Variants in GSK3B observed in about 807,000 individuals in gnomAD.
GSK3B encodes the protein glycogen synthase kinase-3 beta.
GSK3B carries 15 observed loss-of-function variants against 56.4 expected under a neutral mutation model. That is an observed-to-expected ratio of 0.27 (90% CI 0.18 to 0.41). GSK3B has a LOEUF of 0.41. GSK3B is among the 10% of genes least tolerant of loss of function. GSK3B has a pLI of 1.00. For missense variants in GSK3B, 300 were observed against 513.4 expected, an observed-to-expected ratio of 0.58 and a Z score of 4.02; for synonymous variants, 181 against 188.9, an observed-to-expected ratio of 0.96 and a Z score of 0.34.
chr3:119,897,505 T>C (rs1215470349), intron 7 of GSK3B, among the ~76,000 whole-genome samples: 2 of 151,936 alleles, frequency 1.3e-5, no homozygotes, highest in Non-Finnish European at 2.9e-5. Context: ...GAAAGATGTT[T>C]ACCCTGGAGT....
chr3:119,846,529 T>C (rs576149810), intron 9 of GSK3B, among the ~76,000 whole-genome samples: 38 of 152,146 alleles, frequency 2.5e-4, no homozygotes, highest in African/African-American at 9.2e-4. Context: ...CCAACAAACA[T>C]ATGAAAAAAA....
intron 1 of GSK3B, among the ~76,000 whole-genome samples, chr3:120,070,279 A>T (rs973119447): frequency 6.0e-5 from 8 of 134,340 alleles, no homozygotes; most frequent in East Asian, 2.1e-4. Flanking sequence ...CAGTTTAAAT[A>T]AAAAAAAAAA....
chr3:119,822,617 T>C lies in GSK3B; in HGVS notation c.*4171A>G. 8.7e-6 allele frequency: 2 copies of C among 228,896 alleles called. No homozygotes were observed. The highest frequency in any genetic ancestry group is 6.2e-5 in the East Asian group (1 of 16,004). The allele number at this position is 228,896 out of a possible 1,614,324, so 14.2% of individuals were successfully genotyped here. ...GATTACTTTCAAAGCCTCTCAAAGG[T>C]AGATCTCAGTCTGGGACTCTACTGT... On this transcript the variant is annotated 3_prime_UTR_variant, in exon 11 of 11. Transcript: ENST00000264235.
intron 2 of GSK3B, among the ~76,000 whole-genome samples, chr3:119,961,552 CA>C (rs1357001318): frequency 2.0e-5 from 3 of 149,962 alleles, no homozygotes; most frequent in Non-Finnish European, 3.0e-5. Context: ...CGCTTGAACC[CA>C]AAAGGCAGAA....
chr3:120,065,823 CATT>C (rs2058273931), intron 1 of GSK3B, among the ~76,000 whole-genome samples: 2 of 152,114 alleles, frequency 1.3e-5, no homozygotes, highest in Non-Finnish European at 2.9e-5. Context: ...ACCTTGAAAA[CATT>C]ATTCTAAGTG....
intron 1 of GSK3B, among the ~76,000 whole-genome samples, chr3:120,081,167 C>G (rs2058415903): frequency 6.6e-6 from 1 of 152,096 alleles, no homozygotes; most frequent in African/African-American, 2.4e-5. Flanking sequence ...GATTTCAGAG[C>G]CACTCAGTGC....
At chr3:119,950,849 C>T (rs774116896) in intron 2 of GSK3B, among the ~76,000 whole-genome samples, 15 of 152,156 alleles carry the variant, frequency 9.9e-5, no homozygotes, top group Non-Finnish European at 4.4e-5. Flanking sequence ...CTACCATCCC[C>T]CTACAACCAC....
intron 3 of GSK3B, among the ~76,000 whole-genome samples, chr3:119,924,312 G>A (rs1175627184): frequency 6.6e-6 from 1 of 152,178 alleles, no homozygotes; most frequent in Non-Finnish European, 1.5e-5. Context: ...ACAAAGTTGA[G>A]AATCACCATG....
chr3:119,947,390 A>G, intron 2 of GSK3B, 39 bp from the exon 3 acceptor site: 1 of 1,207,604 alleles, frequency 8.3e-7, no homozygotes, highest in South Asian at 1.2e-5. Context: ...TTTAAAGGAT[A>G]ACAGCTATTC....
At chr3:120,039,235 C>T (rs2058046676) in intron 1 of GSK3B, among the ~76,000 whole-genome samples, 1 of 152,216 alleles carries the variant, frequency 6.6e-6, no homozygotes, top group African/African-American at 2.4e-5. Context: ...CTCTCACTCA[C>T]TGTTTGCAGA....
intron 1 of GSK3B, among the ~76,000 whole-genome samples, chr3:120,080,840 A>AG (rs1171152549): frequency 6.6e-6 from 1 of 152,042 alleles, no homozygotes; most frequent in African/African-American, 2.4e-5. Flanking sequence ...AAAAAAAAAA[A>AG]GAAAAAAAAT....
At chr3:120,081,723 A>T (rs906832072) in intron 1 of GSK3B, among the ~76,000 whole-genome samples, 3 of 152,188 alleles carry the variant, frequency 2.0e-5, no homozygotes, top group Non-Finnish European at 4.4e-5. Flanking sequence ...TACAAAAAGG[A>T]CTGTGCTCCA....
intron 1 of GSK3B, among the ~76,000 whole-genome samples, chr3:120,061,769 G>A (rs1393375371): frequency 6.6e-6 from 1 of 152,096 alleles, no homozygotes; most frequent in Admixed American, 6.5e-5. Context: ...TTTCACTCTT[G>A]TTGCCCAGGC....
At chr3:120,003,799 C>T (rs2057699740) in intron 1 of GSK3B, among the ~76,000 whole-genome samples, 1 of 152,228 alleles carries the variant, frequency 6.6e-6, no homozygotes, top group Non-Finnish European at 1.5e-5. Flanking sequence ...TGAATAGGAA[C>T]AGTTCTGGTC....
At chr3:119,917,983 C>A (rs1296906589) in intron 4 of GSK3B, among the ~76,000 whole-genome samples, 1 of 151,942 alleles carries the variant, frequency 6.6e-6, no homozygotes, top group Non-Finnish European at 1.5e-5. Context: ...CTTATAATAA[C>A]CTTATGTAAT....
intron 7 of GSK3B, among the ~76,000 whole-genome samples, chr3:119,893,729 G>C (rs995380704): frequency 1.3e-5 from 2 of 152,016 alleles, no homozygotes; most frequent in African/African-American, 2.4e-5. Context: ...TTCCCTTTTA[G>C]GGGGCAATCG....
At chr3:119,921,096 G>A (rs1376164428) in intron 4 of GSK3B, among the ~76,000 whole-genome samples, 1 of 152,088 alleles carries the variant, frequency 6.6e-6, no homozygotes, top group Non-Finnish European at 1.5e-5. Flanking sequence ...GCAAGGAAAC[G>A]GTCAAATATT....
At chr3:119,846,527 C>T (rs999982155) in intron 9 of GSK3B, among the ~76,000 whole-genome samples, 4 of 152,066 alleles carry the variant, frequency 2.6e-5, no homozygotes, top group African/African-American at 9.7e-5. Context: ...GGCCAACAAA[C>T]ATATGAAAAA....
At chr3:120,051,780 A>C (rs1373557777) in intron 1 of GSK3B, among the ~76,000 whole-genome samples, 1 of 152,040 alleles carries the variant, frequency 6.6e-6, no homozygotes, top group Admixed American at 6.6e-5. Context: ...AAAAAAAAAA[A>C]AAGATATGAG....
Sources: allele counts gnomAD v4.1 joint callset (sites outside exome capture counted in the v4.1 genomes callset), GRCh38; gene constraint gnomAD v4.1.1; transcripts MANE v1.5; gene names NCBI Gene and HGNC (gene_info 2026-07-23, HGNC 2026-07-21).